BRCA1: variants seen among roughly 807,000 people sequenced by gnomAD.
The protein encoded by BRCA1 is BRCA1 DNA repair associated.
In BRCA1, 140 loss-of-function variants were observed where a neutral mutation model predicts 173.7. The observed-to-expected ratio is 0.81, with a 90% CI of 0.70 to 0.93. BRCA1 has a LOEUF of 0.93. BRCA1 is among the 40% of genes least tolerant of loss of function. The pLI, the probability that BRCA1 is intolerant of heterozygous loss-of-function variation, is 0.00. For missense variants in BRCA1, 1,983 were observed against 2,172.5 expected, an observed-to-expected ratio of 0.91 and a Z score of 1.73; for synonymous variants, 662 against 756.0, an observed-to-expected ratio of 0.88 and a Z score of 2.04.
chr17:43,100,524 GTA>G (rs760604247), intron 6 of BRCA1, among the ~76,000 whole-genome samples: 11 of 63,820 alleles, frequency 1.7e-4, no homozygotes, highest in East Asian at 8.7e-4. Context: ...GTGTGTGTGT[GTA>G]TATATATATA....
rs786202627 is a variant in BRCA1 at position 43,071,063 on chromosome 17, A to G, written c.4851T>C (p.Ala1617=). The G allele has an allele frequency of 6.2e-7, 1 of 1,614,188 alleles. No individual in the cohort carries two copies. Among genetic ancestry groups the G allele is most frequent in the Non-Finnish European group, 8.5e-7 (1 of 1,180,024 alleles). The change falls in exon 15 of 23, where the codon GCT becomes GCC. Residue 1617 remains alanine, a synonymous_variant. Transcript: ENST00000357654. ...VAESAQSPAA[A]HTTDTAGYNA... ...TATACCCAGCAGTATCAGTAGTATG[A>G]GCAGCAGCTGGACTCTGGGCAGATT...
intron 1 of BRCA1, among the ~76,000 whole-genome samples, chr17:43,152,862 CAAAAAT>C (rs1168580317): frequency 6.7e-6 from 1 of 150,092 alleles, no homozygotes; most frequent in Non-Finnish European, 1.5e-5. Context: ...GACTCCGTCT[CAAAAAT>C]AAAAAAATAA....
intron 6 of BRCA1, 63 bp from the exon 7 acceptor site, chr17:43,099,943 A>G (rs2054312067): frequency 1.6e-6 from 2 of 1,289,908 alleles, no homozygotes; most frequent in South Asian, 1.2e-5. Context: ...TTCCTCCTGA[A>G]GAGAAACTTG....
intron 3 of BRCA1, among the ~76,000 whole-genome samples, chr17:43,107,996 T>G (rs559813595): frequency 5.9e-5 from 9 of 151,876 alleles, no homozygotes; most frequent in African/African-American, 2.2e-4. Flanking sequence ...AGGGAGTAAA[T>G]AGCAGACACT....
rs2152905591 is a variant in BRCA1, at chr17:43,049,095, T to A, written c.5406+26A>T. 5 of 1,607,472 alleles carry A rather than the reference T, an allele frequency of 3.1e-6. No individual in the cohort carries two copies. The South Asian group carries it at 3.3e-5, about 11-fold the overall frequency. On this transcript the variant is annotated intron_variant, in intron 21 of 22. Coordinates refer to ENST00000357654, the MANE Select transcript of BRCA1 (RefSeq NM_007294.4). ...ACAGGAGAGAATATTGTGTCCTCCC[T>A]CTCTGACAGGGCACCCAATACTTAC...
At chr17:43,047,088 G>A (rs2152726996) in intron 22 of BRCA1, among the ~76,000 whole-genome samples, 1 of 152,134 alleles carries the variant, frequency 6.6e-6, no homozygotes, top group South Asian at 2.1e-4. Flanking sequence ...TATTGTTTTT[G>A]TGTAAATTTA....
In BRCA1 at chr17:43,094,437, C is replaced by T. The variant is rs2053994698; in HGVS notation, c.1094G>A (p.Arg365Lys). 1 of 1,614,086 alleles carries T rather than the reference C, an allele frequency of 6.2e-7. No individual in the cohort carries two copies. The highest frequency in any genetic ancestry group is 8.5e-7 in the Non-Finnish European group (1 of 1,180,008). Residue 365 changes from arginine to lysine, a missense_variant, in exon 10 of 23, where the codon AGA becomes AAA. Coordinates refer to ENST00000357654, the MANE Select transcript of BRCA1 (RefSeq NM_007294.4). ...TATCCAAGGAACATCTTCAGTATCT[C>T]TAGGATTCTCTGAGCATGGCAGTTT... ...KQKLPCSENP[R>K]DTEDVPWITL...
At chr17:43,151,571 T>C (rs1344099209) in intron 1 of BRCA1, among the ~76,000 whole-genome samples, 2 of 152,244 alleles carry the variant, frequency 1.3e-5, no homozygotes, top group African/African-American at 4.8e-5. Flanking sequence ...ATCTTTGTGC[T>C]AAAAGTTTTT....
In BRCA1 at chr17:43,090,968, A is replaced by G. The variant is rs1410595461; in HGVS notation, c.4161T>C (p.Ser1387=). ...CCTGAGTGGTTAAAATGTCACTCTG[A>G]GAGGATAGCCCTGAGCAGTCTTCAG... is the stretch of plus-strand genomic sequence containing the variant. The part of the protein sequence containing the change: ...SVSEDCSGLS[S]QSDILTTQQR... Residue 1387 remains serine, a synonymous_variant, in exon 11 of 23, where the codon TCT becomes TCC. Coordinates refer to ENST00000357654, the MANE Select transcript of BRCA1 (RefSeq NM_007294.4). The G allele has an allele frequency of 6.2e-7, 1 of 1,612,110 alleles. No homozygotes were observed. The highest frequency in any genetic ancestry group is 8.5e-7 in the Non-Finnish European group (1 of 1,179,256).
chr17:43,136,853 C>T (rs2056028714), intron 1 of BRCA1, among the ~76,000 whole-genome samples: 1 of 152,174 alleles, frequency 6.6e-6, no homozygotes, highest in Non-Finnish European at 1.5e-5. Context: ...CTAGTTCAAC[C>T]ATTGTGGAAA....
rs149328571 is a variant in BRCA1, at chr17:43,080,091, A to C, written c.4357+2313T>G. On this transcript the variant is annotated intron_variant, in intron 12 of 22. Coordinates refer to ENST00000357654, the MANE Select transcript of BRCA1 (RefSeq NM_007294.4). ...GTCTAAATGCAGAGATCCAGAGTCC[A>C]AGTTTCAGAATATTATTGTAGTTCC... 3.0e-4 allele frequency among the ~76,000 whole-genome samples: 45 copies of C among 152,312 alleles called. No homozygotes were observed. The East Asian group carries it at 7.3e-3, about 25-fold the overall frequency.
chr17:43,072,329 C>T (rs935105442), intron 14 of BRCA1, among the ~76,000 whole-genome samples: 14 of 151,584 alleles, frequency 9.2e-5, no homozygotes, highest in Admixed American at 2.6e-4. Flanking sequence ...GCGGAGGTTG[C>T]GCTGAGCCGA....
intron 9 of BRCA1, 72 bp from the exon 10 acceptor site, chr17:43,094,932 C>T: frequency 1.4e-6 from 2 of 1,414,700 alleles, no homozygotes; most frequent in Non-Finnish European, 1.9e-6. Flanking sequence ...CTTCATACAC[C>T]TTGGAGGTGG....
chr17:43,056,986 G>T (rs2153344010), intron 19 of BRCA1, 66 bp downstream of exon 19: 1 of 1,453,820 alleles, frequency 6.9e-7, no homozygotes, highest in Non-Finnish European at 9.7e-7. Flanking sequence ...GCCCATCTCT[G>T]CAAAGGGGAG....
chr17:43,076,091 AAAT>A (rs1484988218), intron 13 of BRCA1, among the ~76,000 whole-genome samples: 2 of 151,832 alleles, frequency 1.3e-5, no homozygotes, highest in East Asian at 1.9e-4. Context: ...CTGTCTCAAA[AAAT>A]AATAATAATA....
Position 43,094,789 on chromosome 17 carries a change from T to G in BRCA1, c.742A>C (p.Thr248Pro), listed in dbSNP as rs879255288. The part of the protein sequence containing the change: ...HHQPSNNDLN[T>P]TEKRAAERHP... ...CTCTCAGCTGCACGCTTCTCAGTGG[T>G]GTTCAAATCATTATTACTGGGTTGA... is the stretch of plus-strand genomic sequence containing the variant. Residue 248 changes from threonine to proline, a missense_variant, in exon 10 of 23, where the codon ACC (threonine) becomes CCC (proline). Coordinates refer to ENST00000357654, the MANE Select transcript of BRCA1 (RefSeq NM_007294.4). 1 of 1,613,240 alleles carries G rather than the reference T, an allele frequency of 6.2e-7. No homozygotes were observed. The highest frequency in any genetic ancestry group is 8.5e-7 in the Non-Finnish European group (1 of 1,179,716).
intron 1 of BRCA1, chr17:43,169,880 C>A: frequency 2.7e-6 from 1 of 371,124 alleles, no homozygotes; most frequent in South Asian, 2.2e-5. Flanking sequence ...ACGTTTTTTT[C>A]CCCCCCTCTA....
intron 15 of BRCA1, among the ~76,000 whole-genome samples, chr17:43,069,494 T>G (rs922141973): frequency 5.3e-5 from 8 of 152,240 alleles, no homozygotes; most frequent in African/African-American, 1.9e-4. Flanking sequence ...TCTAAAAAGC[T>G]GAACTTGCAA....
At chr17:43,122,386 A>G (rs1233054123) in intron 2 of BRCA1, among the ~76,000 whole-genome samples, 1 of 152,242 alleles carries the variant, frequency 6.6e-6, no homozygotes, top group African/African-American at 2.4e-5. Context: ...GGTCCCAAGT[A>G]CCGTTCTAAC....
Sources: gnomAD v4.1 joint callset for allele counts (sites outside exome capture counted in the v4.1 genomes callset) on GRCh38, gnomAD v4.1.1 for gene constraint, MANE v1.5 for transcripts, NCBI Gene and HGNC (gene_info 2026-07-23, HGNC 2026-07-21) for gene names.